The following MPPED2 variants were observed in gnomAD, a reference collection of about 807,000 sequenced individuals.
MPPED2 encodes the protein metallophosphoesterase domain containing 2, also known as metallophosphoesterase MPPED2.
MPPED2 carries 5 observed loss-of-function variants against 33.0 expected under a neutral mutation model. The ratio of observed to expected loss-of-function variants is 0.15; its 90% CI spans 0.08 to 0.32. The LOEUF (loss-of-function observed/expected upper bound fraction) is 0.32, where lower values mean the gene tolerates loss of function less well. Ranked by LOEUF, MPPED2 falls within the 10% of genes least tolerant of loss-of-function variation. The pLI is 1.00. For missense variants in MPPED2, 275 were observed against 372.1 expected (o/e 0.74, Z 2.15); for synonymous variants, 136 against 141.9 (o/e 0.96, Z 0.29).
intron 3 of MPPED2, among the ~76,000 whole-genome samples, chr11:30,497,823 C>A (rs1279317020): frequency 6.6e-6 from 1 of 152,030 alleles, no homozygotes; most frequent in Non-Finnish European, 1.5e-5. Context: ...AAGGTAGCCA[C>A]CAAAATGAAG....
intron 6 of MPPED2, among the ~76,000 whole-genome samples, chr11:30,401,750 T>C (rs942994301): frequency 2.0e-5 from 3 of 152,190 alleles, no homozygotes; most frequent in African/African-American, 7.2e-5. Context: ...AGTGGCACAA[T>C]CTCAGCTCAC....
chr11:30,574,874 A>ACACT (rs968543628), intron 2 of MPPED2, among the ~76,000 whole-genome samples: 4 of 152,198 alleles, frequency 2.6e-5, no homozygotes, highest in Admixed American at 2.6e-4. Context: ...TCCTTATCCA[A>ACACT]CACTCCCTCC....
intron 2 of MPPED2, among the ~76,000 whole-genome samples, chr11:30,545,894 G>A (rs1188367909): frequency 1.3e-5 from 2 of 152,008 alleles, no homozygotes; most frequent in Non-Finnish European, 2.9e-5. Context: ...ACAGAGTCTC[G>A]CTCTTGTCGC....
intron 4 of MPPED2, among the ~76,000 whole-genome samples, chr11:30,493,450 C>CAT (rs1246255626): frequency 6.6e-6 from 1 of 151,858 alleles, no homozygotes; most frequent in Non-Finnish European, 1.5e-5. Context: ...AGTGACCAAT[C>CAT]TGAATTCAGT....
chr11:30,514,754 A>G (rs970813601), intron 3 of MPPED2, among the ~76,000 whole-genome samples: 25 of 152,350 alleles, frequency 1.6e-4, no homozygotes, highest in African/African-American at 6.0e-4. Context: ...GATGATGACA[A>G]TTATGAGATT....
At chr11:30,444,124 A>C (rs1341517168) in intron 4 of MPPED2, among the ~76,000 whole-genome samples, 1 of 152,238 alleles carries the variant, frequency 6.6e-6, no homozygotes, top group Non-Finnish European at 1.5e-5. Flanking sequence ...TATTCACTGG[A>C]AAAGCAAAAA....
At chr11:30,452,805 G>T (rs1030451558) in intron 4 of MPPED2, among the ~76,000 whole-genome samples, 1 of 152,056 alleles carries the variant, frequency 6.6e-6, no homozygotes, top group East Asian at 1.9e-4. Context: ...AGAGAGCATC[G>T]CTAAGTTTCT....
intron 2 of MPPED2, among the ~76,000 whole-genome samples, chr11:30,548,248 C>T (rs767170835): frequency 4.0e-5 from 6 of 151,338 alleles, no homozygotes; most frequent in Non-Finnish European, 7.4e-5. Context: ...CGGGGTCTCT[C>T]TCTCTCCCAG....
At chr11:30,535,923 A>G in intron 3 of MPPED2, 71 bp downstream of exon 3, 1 of 1,356,562 alleles carries the variant, frequency 7.4e-7, no homozygotes, top group Non-Finnish European at 9.9e-7. Flanking sequence ...CTCTAATTCA[A>G]TTAGGACGCA....
chr11:30,537,001 T>C (rs1954848522), intron 2 of MPPED2, among the ~76,000 whole-genome samples: 1 of 152,156 alleles, frequency 6.6e-6, no homozygotes, highest in South Asian at 2.1e-4. Flanking sequence ...ACCTAAGCAC[T>C]GTGAAATTAC....
At chr11:30,435,086 G>T (rs576066586) in intron 4 of MPPED2, among the ~76,000 whole-genome samples, 4 of 152,150 alleles carry the variant, frequency 2.6e-5, no homozygotes, top group Non-Finnish European at 5.9e-5. Flanking sequence ...CATAGTTTGC[G>T]AGTGCATTCC....
At chr11:30,518,332 C>A (rs1451374906) in intron 3 of MPPED2, among the ~76,000 whole-genome samples, 1 of 152,180 alleles carries the variant, frequency 6.6e-6, no homozygotes, top group Admixed American at 6.6e-5. Flanking sequence ...ATCTCCAAAC[C>A]AGTTTATCCA....
At chr11:30,430,636 C>G (rs1213864070) in intron 4 of MPPED2, among the ~76,000 whole-genome samples, 1 of 152,100 alleles carries the variant, frequency 6.6e-6, no homozygotes, top group Non-Finnish European at 1.5e-5. Context: ...AAATGCTATG[C>G]ACAGAGTTGT....
At chr11:30,403,804 A>G (rs1034143206) in intron 6 of MPPED2, among the ~76,000 whole-genome samples, 4 of 152,096 alleles carry the variant, frequency 2.6e-5, no homozygotes, top group Non-Finnish European at 5.9e-5. Context: ...TTTATTTTCC[A>G]TTTCTGATCT....
At chr11:30,399,682 G>C (rs1734135599) in intron 6 of MPPED2, among the ~76,000 whole-genome samples, 1 of 152,150 alleles carries the variant, frequency 6.6e-6, no homozygotes, top group South Asian at 2.1e-4. Context: ...TAGAGTCTCA[G>C]TAAATAAATT....
Position 30,478,589 on chromosome 11 carries a change from A to T in MPPED2, c.536+16707T>A, listed in dbSNP as rs536284381. Among the ~76,000 whole-genome samples, 4 of 152,186 alleles carry T rather than the reference A, an allele frequency of 2.6e-5. No individual in the cohort carries two copies. The East Asian group carries it at 7.7e-4, about 29-fold the overall frequency. On this transcript the variant is annotated intron_variant, in intron 4 of 6. Coordinates refer to ENST00000358117, the MANE Select transcript of MPPED2 (RefSeq NM_001584.3). Reference sequence around the variant, plus strand: ...GATGGCAATGCATCATAAACAAAGGATTTTGATTAATTTACTTCTATCCAT... The same window carrying T: ...GATGGCAATGCATCATAAACAAAGGTTTTTGATTAATTTACTTCTATCCAT...
At chr11:30,440,286 C>T (rs1375437974) in intron 4 of MPPED2, among the ~76,000 whole-genome samples, 5 of 151,368 alleles carry the variant, frequency 3.3e-5, no homozygotes, top group South Asian at 4.2e-4. Context: ...GCCGAGGTCG[C>T]GCCACTGCAC....
intron 4 of MPPED2, among the ~76,000 whole-genome samples, chr11:30,443,048 C>T (rs1010244562): frequency 2.0e-5 from 3 of 152,006 alleles, no homozygotes; most frequent in East Asian, 3.9e-4. Context: ...AATCAAGTCA[C>T]ATAAGAAATT....
intron 2 of MPPED2, among the ~76,000 whole-genome samples, chr11:30,538,112 A>G (rs1416639198): frequency 6.6e-6 from 1 of 152,190 alleles, no homozygotes; most frequent in Admixed American, 6.5e-5. Context: ...GTTTGCATTT[A>G]TACTTAATGC....
Sources: allele counts gnomAD v4.1 joint callset (sites outside exome capture counted in the v4.1 genomes callset), GRCh38; gene constraint gnomAD v4.1.1; transcripts MANE v1.5; gene names NCBI Gene and HGNC (gene_info 2026-07-23, HGNC 2026-07-21).